The following SIK3 variants were observed in gnomAD, a reference collection of about 807,000 sequenced individuals.
SIK3 encodes SIK family kinase 3, also known as serine/threonine-protein kinase SIK3.
A neutral mutation model predicts 144.2 loss-of-function variants in SIK3; 28 were observed. The observed-to-expected ratio is 0.19, with a 90% CI of 0.14 to 0.27. SIK3 has a LOEUF of 0.27. SIK3 is among the 10% of genes least tolerant of loss of function. The probability of loss-of-function intolerance (pLI) is 1.00; values close to 1 mark genes in which losing one functional copy is unlikely to be tolerated. For synonymous variants in SIK3, 686 were observed against 676.3 expected (o/e 1.01, Z -0.22); for missense variants, 1,319 against 1,776.0 (o/e 0.74, Z 4.62).
At position 116,896,415 on chromosome 11, in the gene SIK3, C is replaced by A. The variant is rs1478341427; in HGVS notation, c.742-39G>T. 4.4e-6 allele frequency: 7 copies of A among 1,600,636 alleles called. No individual in the cohort carries two copies. The Admixed American group carries it at 5.1e-5, about 12-fold the overall frequency. ...AGAGAGGATGTACAATTAATCACAT[C>A]AGGGGAAACAAAAAAGACTACTGTA... On this transcript the variant is annotated intron_variant, in intron 5 of 24. Coordinates refer to ENST00000445177, the MANE Select transcript of SIK3 (RefSeq NM_001366686.3).
chr11:116,940,002 C>T (rs1419057569), intron 3 of SIK3, among the ~76,000 whole-genome samples: 1 of 152,128 alleles, frequency 6.6e-6, no homozygotes, highest in Non-Finnish European at 1.5e-5. Flanking sequence ...CATGCCCTGG[C>T]TATTACATGA....
chr11:117,036,412 A>T (rs1335931152), intron 1 of SIK3, among the ~76,000 whole-genome samples: 3 of 152,116 alleles, frequency 2.0e-5, no homozygotes, highest in African/African-American at 4.8e-5. Context: ...CTTATAGAAG[A>T]GTCAGAACTT....
intron 2 of SIK3, among the ~76,000 whole-genome samples, chr11:116,956,335 C>G (rs1466765338): frequency 7.8e-6 from 1 of 128,326 alleles, no homozygotes; most frequent in East Asian, 2.3e-4. Flanking sequence ...TTGGGAAGAC[C>G]AAAAAAAAAA....
intron 4 of SIK3, among the ~76,000 whole-genome samples, chr11:116,898,246 T>C (rs560440731): frequency 2.1e-4 from 32 of 152,194 alleles, no homozygotes; most frequent in South Asian, 2.1e-3. Context: ...GTTCTTGCGA[T>C]AGTTTACTGA....
At chr11:117,090,125 T>G (rs1955178761) in intron 1 of SIK3, among the ~76,000 whole-genome samples, 1 of 152,232 alleles carries the variant, frequency 6.6e-6, no homozygotes, top group African/African-American at 2.4e-5. Flanking sequence ...ACGCCATTTA[T>G]TTAGCAATAT....
intron 1 of SIK3, among the ~76,000 whole-genome samples, chr11:116,984,708 A>G (rs576562923): frequency 5.9e-4 from 90 of 151,874 alleles, no homozygotes; most frequent in Middle Eastern, 3.4e-3. Context: ...CACACACACC[A>G]CAGACACCCC....
chr11:116,875,083 G>T, intron 11 of SIK3, 75 bp downstream of exon 11: 3 of 1,144,996 alleles, frequency 2.6e-6, no homozygotes, highest in Non-Finnish European at 3.9e-6. Flanking sequence ...TAGGAAATGT[G>T]CCATGGTAGA....
At chr11:116,860,519 TA>T (rs1379749047) in intron 19 of SIK3, among the ~76,000 whole-genome samples, 1 of 152,210 alleles carries the variant, frequency 6.6e-6, no homozygotes, top group African/African-American at 2.4e-5. Flanking sequence ...CCCACGTGTA[TA>T]GTAGACAGCC....
chr11:116,950,893 T>C lies in SIK3; in HGVS notation c.454+3151A>G, dbSNP rs74554670. On this transcript the variant is annotated intron_variant, in intron 3 of 24. Transcript: ENST00000445177. ...TGAATAATGTTCCTTCATTTTCTGC[T>C]TACTCTTAGGACGATTTCCAGAGAC... Among the ~76,000 whole-genome samples the C allele has an allele frequency of 3.8e-3, 576 of 152,346 alleles. 2 individuals are homozygous for C. The highest frequency in any genetic ancestry group is 6.0e-3 in the Non-Finnish European group (410 of 68,034).
chr11:117,025,546 A>C (rs1951971431), intron 1 of SIK3, among the ~76,000 whole-genome samples: 1 of 151,366 alleles, frequency 6.6e-6, no homozygotes, highest in South Asian at 2.1e-4. Context: ...CCCAGGCTCA[A>C]GCCTCTGGAG....
In SIK3 at chr11:116,867,655, CA is replaced by C. The variant is rs1943718952; in HGVS notation, c.1952+290del. 3.5e-6 allele frequency: 1 copy of C among 285,290 alleles called. No homozygotes were observed. The highest frequency in any genetic ancestry group is 6.5e-6 in the Non-Finnish European group (1 of 154,964). The allele number at this position is 285,290 out of a possible 1,614,324, so 17.7% of individuals were successfully genotyped here. ...GAGAGTTTCACTTTCTTGCAGGTCT[CA>C]AGTTCAATTTTATCTATGAATCAAC... is the stretch of plus-strand genomic sequence containing the variant. On this transcript the variant is annotated intron_variant, in intron 15 of 24. Transcript: ENST00000445177. The surrounding 1 kb of genome is among the most constrained non-coding windows in gnomAD (Gnocchi z 4.1).
At chr11:116,938,614 AGGGGAGGGG>A (rs1948109316) in intron 3 of SIK3, among the ~76,000 whole-genome samples, 2 of 42,900 alleles carry the variant, frequency 4.7e-5, no homozygotes, top group Non-Finnish European at 8.1e-5. Flanking sequence ...AGGAGAGGAG[AGGGGAGGGG>A]AGGAGAGGAG....
At chr11:117,075,840 CTTTTTTTTTTTT>C (rs1037271983) in intron 1 of SIK3, among the ~76,000 whole-genome samples, 3 of 40,928 alleles carry the variant, frequency 7.3e-5, no homozygotes, top group Non-Finnish European at 1.2e-4. Context: ...CCAAGCCTGG[CTTTTTTTTTTTT>C]TTTTTTTTTT....
chr11:116,869,006 A>G (rs1259774218), intron 14 of SIK3: 1 of 152,184 alleles, frequency 6.6e-6, no homozygotes, highest in African/African-American at 2.4e-5. Flanking sequence ...CTAAAGAAGA[A>G]AGAAGGTAGA....
In SIK3 at chr11:117,003,480, GA is replaced by G. The variant is rs1950930325; in HGVS notation, c.274-46417del. 2.0e-5 allele frequency among the ~76,000 whole-genome samples: 3 copies of G among 151,696 alleles called. No individual in the cohort carries two copies. In the South Asian group the frequency reaches 6.2e-4, roughly 31 times the overall value. The stretch of plus-strand genomic sequence containing the variant: ...TACCTCATAAGGTTGTTCTCAGGAT[GA>G]AATAAAAAAAAAAATATATTCAATG... On this transcript the variant is annotated intron_variant, in intron 1 of 24. Transcript: ENST00000445177.
At chr11:116,973,296 T>A (rs573507947) in intron 1 of SIK3, among the ~76,000 whole-genome samples, 1 of 152,342 alleles carries the variant, frequency 6.6e-6, no homozygotes, top group Non-Finnish European at 1.5e-5. Context: ...TAGACAACTA[T>A]CATCTCCAAG....
intron 4 of SIK3, among the ~76,000 whole-genome samples, chr11:116,909,262 T>A (rs1946211557): frequency 6.6e-6 from 1 of 151,648 alleles, no homozygotes; most frequent in Non-Finnish European, 1.5e-5. Flanking sequence ...ATAAATGGCA[T>A]CCCTTGGAGC....
intron 3 of SIK3, among the ~76,000 whole-genome samples, chr11:116,946,187 T>C (rs180913516): frequency 6.6e-6 from 1 of 152,296 alleles, no homozygotes; most frequent in East Asian, 1.9e-4. Context: ...CCTCAACCTG[T>C]AATCAAGTCT....
intron 3 of SIK3, among the ~76,000 whole-genome samples, chr11:116,939,176 C>T (rs1948150473): frequency 6.6e-6 from 1 of 152,152 alleles, no homozygotes; most frequent in African/African-American, 2.4e-5. Flanking sequence ...TAAGACAAGT[C>T]TCACTCTGTC....
Sources: allele counts gnomAD v4.1 joint callset (sites outside exome capture counted in the v4.1 genomes callset), GRCh38; gene constraint gnomAD v4.1.1; non-coding constraint Gnocchi (gnomAD v3.1); transcripts MANE v1.5; gene names NCBI Gene and HGNC (gene_info 2026-07-23, HGNC 2026-07-21).